Variants in PSD3 observed in about 807,000 individuals in gnomAD.
PSD3 encodes the protein pleckstrin and Sec7 domain containing 3, also known as PH and SEC7 domain-containing protein 3.
A neutral mutation model predicts 105.5 loss-of-function variants in PSD3; 49 were observed. That is an observed-to-expected ratio of 0.46 (90% confidence interval 0.37 to 0.59). PSD3 has a LOEUF of 0.59. Ranked by LOEUF, PSD3 falls within the 20% of genes least tolerant of loss-of-function variation. The pLI, the probability that PSD3 is intolerant of heterozygous loss-of-function variation, is 0.00. For missense variants in PSD3, 1,561 were observed against 1,263.8 expected (o/e 1.24, Z -3.57); for synonymous variants, 557 against 457.8 (o/e 1.22, Z -2.77).
At chr8:19,081,272 T>G (rs111384856) in intron 1 of PSD3, among the ~76,000 whole-genome samples, 279 of 152,290 alleles carry the variant, frequency 1.8e-3, no homozygotes, top group Non-Finnish European at 3.6e-3. Context: ...TCGTACAAGG[T>G]TAGGTCACTA....
chr8:18,936,210 T>C (rs892999284), intron 1 of PSD3, 68 bp from the exon 2 acceptor site: 3 of 1,002,880 alleles, frequency 3.0e-6, no homozygotes, highest in African/African-American at 1.6e-5. Context: ...ATAAAACAAA[T>C]TATCCAACAT....
intron 8 of PSD3, among the ~76,000 whole-genome samples, chr8:18,789,153 A>G (rs970308749): frequency 5.9e-5 from 9 of 152,240 alleles, no homozygotes; most frequent in African/African-American, 7.2e-5. Context: ...ATAGTACCAC[A>G]GCACAGTGGT....
chr8:18,828,055 A>ATG (rs1813361414), intron 4 of PSD3, among the ~76,000 whole-genome samples: 5 of 112,358 alleles, frequency 4.5e-5, no homozygotes. Flanking sequence ...ATGTATATAT[A>ATG]TATATATATA....
chr8:18,691,156 T>G (rs112735052), intron 9 of PSD3, among the ~76,000 whole-genome samples: 1 of 152,202 alleles, frequency 6.6e-6, no homozygotes, highest in Non-Finnish European at 1.5e-5. Context: ...AATCTTTAAA[T>G]AGAACGTTCT....
chr8:18,821,811 C>T (rs1234937076), intron 4 of PSD3, among the ~76,000 whole-genome samples: 1 of 110,692 alleles, frequency 9.0e-6, no homozygotes, highest in Non-Finnish European at 1.9e-5. Context: ...AATTTAGCCT[C>T]TCACTTCAAG....
At chr8:18,945,702 G>A (rs144173534) in intron 1 of PSD3, among the ~76,000 whole-genome samples, 3 of 152,310 alleles carry the variant, frequency 2.0e-5, no homozygotes, top group East Asian at 3.9e-4. Context: ...TCAGCTGGGC[G>A]TGGTGGCTCA....
At chr8:18,843,077 T>C (rs1814782798) in intron 4 of PSD3, among the ~76,000 whole-genome samples, 1 of 152,096 alleles carries the variant, frequency 6.6e-6, no homozygotes, top group Non-Finnish European at 1.5e-5. Flanking sequence ...AAACCATCAG[T>C]AGTATTAGAG....
At chr8:18,824,056 C>T (rs1812974795) in intron 4 of PSD3, among the ~76,000 whole-genome samples, 1 of 152,092 alleles carries the variant, frequency 6.6e-6, no homozygotes, top group Non-Finnish European at 1.5e-5. Flanking sequence ...GTCTGTGGTC[C>T]TGCCTACTTG....
chr8:18,953,040 C>T (rs1043825358), intron 1 of PSD3, among the ~76,000 whole-genome samples: 2 of 152,098 alleles, frequency 1.3e-5, no homozygotes, highest in African/African-American at 2.4e-5. Context: ...AATAACCCAG[C>T]AGAAAAACAG....
At chr8:18,691,199 G>C (rs938901858) in intron 9 of PSD3, among the ~76,000 whole-genome samples, 4 of 152,154 alleles carry the variant, frequency 2.6e-5, no homozygotes, top group Non-Finnish European at 4.4e-5. Context: ...TCTTAAGGCA[G>C]GGGGAACACC....
intron 8 of PSD3, 137 bp downstream of exon 8, chr8:18,799,158 G>C: frequency 1.3e-6 from 1 of 745,478 alleles, no homozygotes; most frequent in Non-Finnish European, 2.3e-6. Context: ...TTTTTTCAAA[G>C]ATTTCTTTTT....
At chr8:18,816,761 CAT>C (rs1812253555) in intron 4 of PSD3, among the ~76,000 whole-genome samples, 1 of 152,162 alleles carries the variant, frequency 6.6e-6, no homozygotes, top group Admixed American at 6.5e-5. Flanking sequence ...AATATCTGAA[CAT>C]GTTACGACTC....
intron 4 of PSD3, among the ~76,000 whole-genome samples, chr8:18,854,657 G>T (rs546904422): frequency 1.8e-4 from 27 of 152,182 alleles, no homozygotes; most frequent in Non-Finnish European, 1.3e-4. Flanking sequence ...TGGTCCTAAA[G>T]AAATGACTGA....
chr8:18,622,616 TTGTACATAAG>T (rs1806195627), intron 11 of PSD3, among the ~76,000 whole-genome samples: 2 of 152,234 alleles, frequency 1.3e-5, no homozygotes, highest in African/African-American at 4.8e-5. Context: ...CCAATAAAAA[TTGTACATAAG>T]TGTACAATTT....
rs5889801 is a variant in PSD3, at chr8:18,533,922, GTTTT to G, written c.*1817_*1820del. On this transcript the variant is annotated 3_prime_UTR_variant, in exon 16 of 16. Coordinates refer to ENST00000327040, the MANE Select transcript of PSD3 (RefSeq NM_015310.4). ...AACAAGGCAGAGAGTTAAAAGTGAG[GTTTT>G]TTTTTTTACAGGTGTGGCAAAATAC... 3 of 149,280 alleles carry G rather than the reference GTTTT, an allele frequency of 2.0e-5. No homozygotes were observed. Among genetic ancestry groups the G allele is most frequent in the Non-Finnish European group, 4.5e-5 (3 of 67,244 alleles). 9.2% of individuals were successfully genotyped at this position (149,280 alleles called of 1,614,324 possible).
intron 1 of PSD3, among the ~76,000 whole-genome samples, chr8:19,045,523 G>A (rs1204685786): frequency 6.6e-6 from 1 of 152,220 alleles, no homozygotes; most frequent in African/African-American, 2.4e-5. Context: ...TCTCTTGAAA[G>A]CGGCAGTGCT....
At chr8:19,069,610 C>T (rs770991514) in intron 1 of PSD3, among the ~76,000 whole-genome samples, 2 of 152,156 alleles carry the variant, frequency 1.3e-5, no homozygotes, top group East Asian at 1.9e-4. Flanking sequence ...ATAATACCTA[C>T]GATTTAGTGA....
At chr8:19,022,722 C>A (rs947653340) in intron 1 of PSD3, among the ~76,000 whole-genome samples, 1 of 152,170 alleles carries the variant, frequency 6.6e-6, no homozygotes, top group Non-Finnish European at 1.5e-5. Flanking sequence ...AGAGTAGCAC[C>A]CAGCTCTCTT....
intron 4 of PSD3, among the ~76,000 whole-genome samples, chr8:18,808,532 C>A (rs1811401925): frequency 6.6e-6 from 1 of 152,160 alleles, no homozygotes; most frequent in East Asian, 1.9e-4. Context: ...ATTTTCCTCA[C>A]ATTCACCAAA....
Sources: gnomAD v4.1 joint callset for allele counts (sites outside exome capture counted in the v4.1 genomes callset) on GRCh38, gnomAD v4.1.1 for gene constraint, MANE v1.5 for transcripts, NCBI Gene and HGNC (gene_info 2026-07-23, HGNC 2026-07-21) for gene names.